CSMD1: variants seen among roughly 807,000 people sequenced by gnomAD.
The protein encoded by CSMD1 is CUB and Sushi multiple domains 1.
Under a neutral mutation model 417.5 loss-of-function variants are expected in CSMD1, and 213 were observed. The observed-to-expected ratio is 0.51, with a 90% CI of 0.46 to 0.57. The LOEUF is 0.57. CSMD1 is among the 20% of genes least tolerant of loss of function. CSMD1 has a pLI of 0.00. For synonymous variants in CSMD1, 2,862 were observed against 1,736.8 expected, an observed-to-expected ratio of 1.65 and a Z score of -16.11; for missense variants, 6,923 against 4,529.7, an observed-to-expected ratio of 1.53 and a Z score of -15.17.
At chr8:4,058,246 T>A (rs865953362) in intron 3 of CSMD1, among the ~76,000 whole-genome samples, 7 of 152,088 alleles carry the variant, frequency 4.6e-5, no homozygotes, top group Admixed American at 2.0e-4. Context: ...AAGAGGTCCT[T>A]CACATCCCTT....
At chr8:4,032,637 G>A (rs1009787464) in intron 3 of CSMD1, among the ~76,000 whole-genome samples, 2 of 152,168 alleles carry the variant, frequency 1.3e-5, no homozygotes, top group African/African-American at 4.8e-5. Context: ...GAAATCTCAT[G>A]CATTGATCCA....
intron 2 of CSMD1, among the ~76,000 whole-genome samples, chr8:4,459,909 A>G (rs979575085): frequency 6.6e-6 from 1 of 152,214 alleles, no homozygotes; most frequent in Non-Finnish European, 1.5e-5. Context: ...CATGCCAAAT[A>G]AACAATCAAA....
At chr8:4,522,555 A>G (rs955990725) in intron 2 of CSMD1, among the ~76,000 whole-genome samples, 8 of 152,224 alleles carry the variant, frequency 5.3e-5, no homozygotes, top group Non-Finnish European at 8.8e-5. Context: ...CACATAACTG[A>G]TAATTCTGTT....
intron 1 of CSMD1, among the ~76,000 whole-genome samples, chr8:4,840,036 G>T (rs1006719406): frequency 6.6e-6 from 1 of 152,096 alleles, no homozygotes; most frequent in Non-Finnish European, 1.5e-5. Flanking sequence ...CCTGGTTTGG[G>T]GTTCACAGCT....
chr8:3,081,248 A>G (rs555653443), intron 49 of CSMD1, among the ~76,000 whole-genome samples: 1 of 152,314 alleles, frequency 6.6e-6, no homozygotes, highest in African/African-American at 2.4e-5. Flanking sequence ...ATATTCTTCT[A>G]GATATTTTTG....
chr8:3,322,334 T>G (rs1198121618), intron 23 of CSMD1, among the ~76,000 whole-genome samples: 1 of 152,350 alleles, frequency 6.6e-6, no homozygotes, highest in South Asian at 2.1e-4. Context: ...ACAGTATTAG[T>G]TAAATGACTG....
intron 3 of CSMD1, among the ~76,000 whole-genome samples, chr8:4,337,605 G>A (rs1048966828): frequency 6.6e-6 from 1 of 152,132 alleles, no homozygotes; most frequent in Admixed American, 6.6e-5. Flanking sequence ...TCTGTGGACA[G>A]TAAATATTTT....
At chr8:4,007,837 C>G (rs551924197) in intron 4 of CSMD1, among the ~76,000 whole-genome samples, 143 of 152,226 alleles carry the variant, frequency 9.4e-4, no homozygotes, top group Non-Finnish European at 1.7e-3. Context: ...CATATCCTCT[C>G]TAAGAATAGA....
At chr8:4,405,852 C>T (rs913839515) in intron 3 of CSMD1, among the ~76,000 whole-genome samples, 1 of 152,144 alleles carries the variant, frequency 6.6e-6, no homozygotes, top group Non-Finnish European at 1.5e-5. Flanking sequence ...TAGAAGTGAT[C>T]CACTCACCAC....
At chr8:3,074,198 T>A (rs1426720850) in intron 49 of CSMD1, among the ~76,000 whole-genome samples, 1 of 152,214 alleles carries the variant, frequency 6.6e-6, no homozygotes, top group Non-Finnish European at 1.5e-5. Flanking sequence ...TGTGTCTTTC[T>A]TCATCTTCCA....
chr8:4,117,526 G>A (rs1225018988), intron 3 of CSMD1, among the ~76,000 whole-genome samples: 2 of 152,160 alleles, frequency 1.3e-5, no homozygotes, highest in Non-Finnish European at 2.9e-5. Context: ...TCTCTCGGCA[G>A]CCTATTATAA....
At chr8:4,837,452 C>A (rs538362048) in intron 1 of CSMD1, among the ~76,000 whole-genome samples, 1 of 152,066 alleles carries the variant, frequency 6.6e-6, no homozygotes, top group Non-Finnish European at 1.5e-5. Flanking sequence ...AACATGGATG[C>A]AACTGGAGAT....
At chr8:4,043,086 T>G (rs1206010529) in intron 3 of CSMD1, among the ~76,000 whole-genome samples, 3 of 151,892 alleles carry the variant, frequency 2.0e-5, no homozygotes. Context: ...GAGCGGAAAT[T>G]GCACCACTGC....
At chr8:3,221,213 G>A (rs554970328) in intron 28 of CSMD1, among the ~76,000 whole-genome samples, 2 of 152,104 alleles carry the variant, frequency 1.3e-5, no homozygotes, top group East Asian at 3.9e-4. Flanking sequence ...ATGCCAACCT[G>A]TTTTGGGTCA....
At chr8:4,955,738 G>A (rs1321052455) in intron 1 of CSMD1, among the ~76,000 whole-genome samples, 1 of 152,288 alleles carries the variant, frequency 6.6e-6, no homozygotes, top group African/African-American at 2.4e-5. Context: ...TTACAGGCGT[G>A]AGCCACCACG....
chr8:4,749,935 T>G (rs944267393), intron 1 of CSMD1, among the ~76,000 whole-genome samples: 2 of 152,010 alleles, frequency 1.3e-5, no homozygotes, highest in Non-Finnish European at 2.9e-5. Context: ...TAATAGAAAA[T>G]TAGCCAAGGT....
At chr8:3,506,217 G>A (rs7814044) in intron 10 of CSMD1, among the ~76,000 whole-genome samples, 5 of 151,986 alleles carry the variant, frequency 3.3e-5, no homozygotes, top group Admixed American at 6.6e-5. Flanking sequence ...TCAGGGAGAC[G>A]GCCCTGGGGG....
intron 26 of CSMD1, among the ~76,000 whole-genome samples, chr8:3,270,508 C>G (rs1272447276): frequency 6.6e-6 from 1 of 152,164 alleles, no homozygotes; most frequent in Admixed American, 6.5e-5. Context: ...TAAAACTATT[C>G]TGCCTGATTT....
At chr8:4,479,303 T>C (rs1311463475) in intron 2 of CSMD1, among the ~76,000 whole-genome samples, 2 of 152,206 alleles carry the variant, frequency 1.3e-5, no homozygotes, top group Admixed American at 6.5e-5. Context: ...TGTGTTTTTC[T>C]TGGTAAGTAT....
Sources: gnomAD v4.1 joint callset for allele counts (sites outside exome capture counted in the v4.1 genomes callset) on GRCh38, gnomAD v4.1.1 for gene constraint, MANE v1.5 for transcripts, NCBI Gene and HGNC (gene_info 2026-07-23, HGNC 2026-07-21) for gene names.